The following CNTN5 variants were observed in gnomAD, a reference collection of about 807,000 sequenced individuals.
The protein encoded by CNTN5 is contactin-5.
A neutral mutation model predicts 129.1 loss-of-function variants in CNTN5; 77 were observed. That is an observed-to-expected ratio of 0.60 (90% CI 0.50 to 0.72). The LOEUF is 0.72. Among genes scored for constraint, CNTN5 ranks in the 30% least tolerant of loss-of-function variants. CNTN5 has a pLI of 0.00. For synonymous variants in CNTN5, 509 were observed against 465.6 expected (o/e 1.09, Z -1.20); for missense variants, 1,478 against 1,328.8 (o/e 1.11, Z -1.75).
intron 1 of CNTN5, among the ~76,000 whole-genome samples, chr11:99,052,810 G>T (rs916963125): frequency 1.3e-5 from 2 of 151,850 alleles, no homozygotes; most frequent in African/African-American, 2.4e-5. Flanking sequence ...CCTGAGTCAT[G>T]TTGATTCTAT....
chr11:99,538,667 A>G (rs1232106810), intron 2 of CNTN5, among the ~76,000 whole-genome samples: 2 of 152,138 alleles, frequency 1.3e-5, no homozygotes, highest in Non-Finnish European at 2.9e-5. Context: ...CAAAATTACT[A>G]GCATTTAAAC....
At chr11:99,135,688 A>G (rs1281836420) in intron 1 of CNTN5, among the ~76,000 whole-genome samples, 4 of 152,184 alleles carry the variant, frequency 2.6e-5, no homozygotes, top group African/African-American at 7.2e-5. Context: ...CTTCTGCTCA[A>G]TGAAAGTAAT....
At chr11:99,176,087 A>T (rs1303251998) in intron 1 of CNTN5, among the ~76,000 whole-genome samples, 1 of 152,182 alleles carries the variant, frequency 6.6e-6, no homozygotes, top group Non-Finnish European at 1.5e-5. Context: ...TACATCTGCT[A>T]AACCCAATGG....
chr11:99,044,416 C>T (rs922509189), intron 1 of CNTN5, among the ~76,000 whole-genome samples: 1 of 152,104 alleles, frequency 6.6e-6, no homozygotes, highest in South Asian at 2.1e-4. Flanking sequence ...GCAGCCCGCC[C>T]ATCTTATTTA....
intron 2 of CNTN5, among the ~76,000 whole-genome samples, chr11:99,491,656 T>C (rs1007629960): frequency 6.6e-6 from 1 of 152,194 alleles, no homozygotes; most frequent in African/African-American, 2.4e-5. Context: ...TTCTGTTGCA[T>C]ATTTCCTTGA....
chr11:99,230,986 G>A (rs1194403380), intron 1 of CNTN5, among the ~76,000 whole-genome samples: 1 of 151,952 alleles, frequency 6.6e-6, no homozygotes, highest in Non-Finnish European at 1.5e-5. Context: ...ATAGGATTTT[G>A]TTTCTTTTTA....
At chr11:100,273,734 C>A (rs1046968054) in intron 18 of CNTN5, among the ~76,000 whole-genome samples, 1 of 152,172 alleles carries the variant, frequency 6.6e-6, no homozygotes, top group African/African-American at 2.4e-5. Flanking sequence ...GGGAGACAGG[C>A]ACCCAGGAAC....
intron 7 of CNTN5, among the ~76,000 whole-genome samples, chr11:99,951,793 C>G (rs1353586355): frequency 6.6e-6 from 1 of 152,098 alleles, no homozygotes; most frequent in Non-Finnish European, 1.5e-5. Context: ...CTCTCTGACT[C>G]ATATTCTCAA....
chr11:99,810,198 T>C (rs1946389193), intron 3 of CNTN5, among the ~76,000 whole-genome samples: 1 of 152,186 alleles, frequency 6.6e-6, no homozygotes, highest in Non-Finnish European at 1.5e-5. Flanking sequence ...GTTCATGCTC[T>C]ATCTGTGAAT....
At chr11:99,745,305 C>T (rs1944018229) in intron 3 of CNTN5, among the ~76,000 whole-genome samples, 1 of 152,124 alleles carries the variant, frequency 6.6e-6, no homozygotes, top group South Asian at 2.1e-4. Context: ...TAAACTGACT[C>T]TACACTTCTG....
intron 3 of CNTN5, among the ~76,000 whole-genome samples, chr11:99,788,689 C>T (rs901946872): frequency 6.6e-6 from 1 of 151,874 alleles, no homozygotes; most frequent in Non-Finnish European, 1.5e-5. Flanking sequence ...TAAGGAAACA[C>T]ATATGATAAC....
intron 3 of CNTN5, among the ~76,000 whole-genome samples, chr11:99,783,780 T>G: frequency 6.7e-6 from 1 of 148,214 alleles, no homozygotes; most frequent in African/African-American, 2.5e-5. Flanking sequence ...TGAGATCACA[T>G]GGACACAGGA....
intron 15 of CNTN5, among the ~76,000 whole-genome samples, chr11:100,205,537 G>C (rs1948894524): frequency 6.6e-6 from 1 of 151,968 alleles, no homozygotes; most frequent in Non-Finnish European, 1.5e-5. Flanking sequence ...TGAGAAGCAT[G>C]ACACCATTTT....
intron 2 of CNTN5, among the ~76,000 whole-genome samples, chr11:99,365,468 G>A (rs187563419): frequency 2.6e-5 from 4 of 152,224 alleles, no homozygotes; most frequent in African/African-American, 7.2e-5. Context: ...TAGAACATGT[G>A]GAGAGAAGAG....
chr11:99,903,997 A>G (rs962178163), intron 6 of CNTN5, among the ~76,000 whole-genome samples: 7 of 152,168 alleles, frequency 4.6e-5, no homozygotes, highest in African/African-American at 1.7e-4. Context: ...CTGTTATAAA[A>G]AAGGCAAATA....
chr11:99,595,346 A>T (rs565257823), intron 3 of CNTN5, among the ~76,000 whole-genome samples: 2 of 66,666 alleles, frequency 3.0e-5, no homozygotes, highest in Admixed American at 4.5e-4. Context: ...ATTATGTGTC[A>T]ATTATATATT....
intron 18 of CNTN5, among the ~76,000 whole-genome samples, chr11:100,281,996 A>ATTTT (rs34162956): frequency 4.9e-5 from 6 of 123,142 alleles, no homozygotes; most frequent in Admixed American, 8.0e-5. Context: ...TTGGCATTCT[A>ATTTT]TTTTTTTTTT....
At chr11:99,142,943 C>A (rs1859594657) in intron 1 of CNTN5, among the ~76,000 whole-genome samples, 1 of 152,124 alleles carries the variant, frequency 6.6e-6, no homozygotes, top group Non-Finnish European at 1.5e-5. Flanking sequence ...AGTCCTGGTG[C>A]TCAGCAGCCC....
chr11:99,328,815 A>G (rs957334457), intron 2 of CNTN5, among the ~76,000 whole-genome samples: 5 of 146,926 alleles, frequency 3.4e-5, no homozygotes, highest in Non-Finnish European at 7.4e-5. Flanking sequence ...GGTTGCAGTG[A>G]GCCAAGATCA....
Sources: gnomAD v4.1 joint callset for allele counts (sites outside exome capture counted in the v4.1 genomes callset) on GRCh38, gnomAD v4.1.1 for gene constraint, MANE v1.5 for transcripts, NCBI Gene and HGNC (gene_info 2026-07-23, HGNC 2026-07-21) for gene names.